CYBRD1: variants seen among roughly 807,000 people sequenced by gnomAD.
The protein encoded by CYBRD1 is plasma membrane ascorbate-dependent reductase CYBRD1.
In CYBRD1, 14 loss-of-function variants were observed where a neutral mutation model predicts 21.9. The observed-to-expected ratio is 0.64, with a 90% CI of 0.42 to 1.00. The LOEUF is 1.00. Ranked by LOEUF, CYBRD1 falls within the 50% of genes least tolerant of loss-of-function variation. CYBRD1 has a pLI of 0.00. For synonymous variants in CYBRD1, 146 were observed against 136.5 expected (o/e 1.07, Z -0.48); for missense variants, 328 against 352.5 (o/e 0.93, Z 0.56).
In CYBRD1 at chr2:171,556,857, T is replaced by C. The variant is rs568307032; in HGVS notation, c.*2030T>C. On this transcript the variant is annotated 3_prime_UTR_variant, in exon 4 of 4. Transcript: ENST00000321348. Reference sequence around the variant, plus strand: ...CACACATCATTTGATAAGTTGGATGTTCCATTACATAGAGGAACACAAAAT... The same window carrying C: ...CACACATCATTTGATAAGTTGGATGCTCCATTACATAGAGGAACACAAAAT... The C allele has an allele frequency of 7.2e-5, 11 of 152,394 alleles. No homozygotes were observed. Among genetic ancestry groups the C allele is most frequent in the African/African-American group, 2.6e-4 (11 of 41,578 alleles). The allele number at this position is 152,394 out of a possible 1,614,324, so 9.4% of individuals were successfully genotyped here.
intron 2 of CYBRD1, among the ~76,000 whole-genome samples, chr2:171,544,883 A>C (rs1254045796): frequency 1.3e-5 from 2 of 152,164 alleles, no homozygotes; most frequent in African/African-American, 2.4e-5. Flanking sequence ...TCATACCCAT[A>C]ATTCCAGCAC....
In CYBRD1 at chr2:171,522,764, G is replaced by C; in HGVS notation, c.193+26G>C. On this transcript the variant is annotated intron_variant, in intron 1 of 3. Coordinates refer to ENST00000321348, the MANE Select transcript of CYBRD1 (RefSeq NM_024843.4). This position sits in a 1 kb window ranked among gnomAD's most constrained non-coding sequence, Gnocchi z 4.3. Reference sequence around the variant, plus strand: ...GTACTGGCACCTCCTGGGGGGGTGCGGGGAGGAAAGCGGGGAGAACGGCGG... The same window carrying C: ...GTACTGGCACCTCCTGGGGGGGTGCCGGGAGGAAAGCGGGGAGAACGGCGG... 1 of 1,612,592 alleles carries C rather than the reference G, an allele frequency of 6.2e-7. No individual in the cohort carries two copies. Among genetic ancestry groups the C allele is most frequent in the Non-Finnish European group, 8.5e-7 (1 of 1,179,444 alleles).
At chr2:171,547,493 A>G (rs1301494886) in intron 2 of CYBRD1, among the ~76,000 whole-genome samples, 3 of 149,682 alleles carry the variant, frequency 2.0e-5, no homozygotes, top group South Asian at 2.1e-4. Flanking sequence ...GGGCTTATGG[A>G]AAGGCTAACA....
Position 171,531,334 on chromosome 2 carries a change from CAT to C in CYBRD1, c.193+8599_193+8600del, listed in dbSNP as rs1697462701. Among the ~76,000 whole-genome samples the C allele has an allele frequency of 2.6e-5, 4 of 152,100 alleles. No homozygotes were observed. The South Asian group carries it at 8.3e-4, about 32-fold the overall frequency. On this transcript the variant is annotated intron_variant, in intron 1 of 3. Transcript: ENST00000321348. ...CATATTATCCTATCCATTTAATTAA[CAT>C]ATTTATTAAGTACTTACTGTGTACC...
chr2:171,533,881 T>G (rs1697508889), intron 1 of CYBRD1, among the ~76,000 whole-genome samples: 1 of 151,832 alleles, frequency 6.6e-6, no homozygotes, highest in Non-Finnish European at 1.5e-5. Flanking sequence ...ATTTTTCTAT[T>G]TTTTTATAGA....
chr2:171,539,840 T>G (rs1697602480), intron 1 of CYBRD1: 3 of 152,180 alleles, frequency 2.0e-5, no homozygotes, highest in Admixed American at 2.0e-4. Flanking sequence ...GCGATTCTCC[T>G]GCCTCAGCCT....
At chr2:171,554,454 T>C (rs954394700) in intron 3 of CYBRD1, 70 bp from the exon 4 acceptor site, 2 of 1,532,728 alleles carry the variant, frequency 1.3e-6, no homozygotes, top group Non-Finnish European at 1.8e-6. Context: ...TTTGAGCAGA[T>C]AAATTCAAGA....
At chr2:171,523,191 AAC>A in intron 1 of CYBRD1, 1 of 354,734 alleles carries the variant, frequency 2.8e-6, no homozygotes, top group Non-Finnish European at 5.8e-6. Context: ...GGGGCGCGGA[AAC>A]ACTTTCGCCT....
chr2:171,528,058 C>T (rs1697409413), intron 1 of CYBRD1, among the ~76,000 whole-genome samples: 1 of 151,898 alleles, frequency 6.6e-6, no homozygotes, highest in Admixed American at 6.6e-5. Context: ...ACATAATTGA[C>T]CCCTCACTCC....
intron 1 of CYBRD1, among the ~76,000 whole-genome samples, chr2:171,523,664 G>C (rs1216912011): frequency 6.6e-6 from 1 of 152,194 alleles, no homozygotes; most frequent in Admixed American, 6.5e-5. Flanking sequence ...GCATTCTCTG[G>C]GCTGAGGCTG....
At position 171,556,326 on chromosome 2, in the gene CYBRD1, CT is replaced by C. The variant is rs11297167; in HGVS notation, c.*1502del. On this transcript the variant is annotated 3_prime_UTR_variant, in exon 4 of 4. Transcript: ENST00000321348. ...ATGGAATTTTAGGGGATATTTTGAG[CT>C]TTGGGTTCTCAGTAGTGAATTGAGA... 0.32 allele frequency: 48,456 copies of C among 151,812 alleles called. 8,083 individuals carry two copies. The highest frequency in any genetic ancestry group is 0.42 in the South Asian group (2,028 of 4,814). 9.4% of individuals were successfully genotyped at this position (151,812 alleles called of 1,614,324 possible). A position where few individuals can be genotyped will look rare whatever the true frequency, so the allele number is the denominator to read the frequency against.
At chr2:171,527,121 C>G (rs980096902) in intron 1 of CYBRD1, among the ~76,000 whole-genome samples, 12 of 152,126 alleles carry the variant, frequency 7.9e-5, no homozygotes, top group African/African-American at 2.7e-4. Context: ...AATACCTACT[C>G]TAAAAGAAGC....
chr2:171,525,560 CT>C (rs917629055), intron 1 of CYBRD1, among the ~76,000 whole-genome samples: 3 of 152,036 alleles, frequency 2.0e-5, no homozygotes, highest in Non-Finnish European at 4.4e-5. Context: ...TTATAACAGA[CT>C]TTTTTACCGT....
chr2:171,543,050 A>G (rs1254448037), intron 2 of CYBRD1, among the ~76,000 whole-genome samples: 1 of 152,202 alleles, frequency 6.6e-6, no homozygotes. Flanking sequence ...AAGTAAATCA[A>G]TAAAGGTAAA....
chr2:171,549,339 C>T (rs145711652), intron 2 of CYBRD1, among the ~76,000 whole-genome samples: 3,738 of 152,262 alleles, frequency 0.025, 130 homozygotes, highest in African/African-American at 0.084. Context: ...CCACCTCGGC[C>T]TCCCAAAGTG....
chr2:171,550,806 G>T (rs974282499), intron 2 of CYBRD1, among the ~76,000 whole-genome samples: 1 of 152,056 alleles, frequency 6.6e-6, no homozygotes, highest in East Asian at 1.9e-4. Flanking sequence ...AATTATGGAG[G>T]AAATGAGAGA....
intron 1 of CYBRD1, among the ~76,000 whole-genome samples, chr2:171,536,133 C>CTTTTTTTT (rs71013042): frequency 1.8e-5 from 2 of 110,302 alleles, no homozygotes; most frequent in Admixed American, 1.1e-4. Flanking sequence ...GATAGTTACT[C>CTTTTTTTT]TTTTTTTTTT....
chr2:171,554,897 A>T lies in CYBRD1; in HGVS notation c.*70A>T. 6.6e-7 allele frequency: 1 copy of T among 1,510,860 alleles called. No individual in the cohort carries two copies. The highest frequency in any genetic ancestry group is 9.1e-7 in the Non-Finnish European group (1 of 1,093,816). The allele number at this position is 1,510,860 out of a possible 1,614,324, so 93.6% of individuals were successfully genotyped here. ...GCTCTACAGTTTTGCTTCTCCTATT[A>T]GCCATATGATAATTGGGCTATGTAG... On this transcript the variant is annotated 3_prime_UTR_variant, in exon 4 of 4. Coordinates refer to ENST00000321348, the MANE Select transcript of CYBRD1 (RefSeq NM_024843.4).
intron 2 of CYBRD1, among the ~76,000 whole-genome samples, chr2:171,548,296 G>A (rs548422960): frequency 3.3e-5 from 5 of 152,188 alleles, no homozygotes; most frequent in Admixed American, 3.3e-4. Context: ...CCAAAGACTC[G>A]GGCTGGGGCC....
Sources: allele counts gnomAD v4.1 joint callset (sites outside exome capture counted in the v4.1 genomes callset), GRCh38; gene constraint gnomAD v4.1.1; non-coding constraint Gnocchi (gnomAD v3.1); transcripts MANE v1.5; gene names NCBI Gene and HGNC (gene_info 2026-07-23, HGNC 2026-07-21).